RELN: variants seen among roughly 807,000 people sequenced by gnomAD.
RELN encodes the protein reelin.
RELN carries 108 observed loss-of-function variants against 427.6 expected under a neutral mutation model. The observed-to-expected ratio is 0.25, with a 90% CI of 0.22 to 0.30. RELN has a LOEUF of 0.30. RELN is among the 10% of genes least tolerant of loss of function. The pLI is 1.00. For synonymous variants in RELN, 1,524 were observed against 1,513.4 expected (o/e 1.01, Z -0.16); for missense variants, 3,715 against 4,302.8 (o/e 0.86, Z 3.82).
At chr7:103,832,535 G>A (rs368335148) in intron 3 of RELN, among the ~76,000 whole-genome samples, 9 of 152,276 alleles carry the variant, frequency 5.9e-5, no homozygotes, top group Middle Eastern at 3.4e-3. Context: ...AGGATATCAC[G>A]CATTCGAAGT....
intron 17 of RELN, among the ~76,000 whole-genome samples, chr7:103,638,641 C>T (rs561772670): frequency 2.9e-4 from 44 of 152,006 alleles, no homozygotes; most frequent in African/African-American, 9.4e-4. Context: ...CAGCCGTAAG[C>T]GAACAAAGCC....
chr7:103,916,976 G>A (rs1795494759), intron 2 of RELN, 99 bp downstream of exon 2: 3 of 908,416 alleles, frequency 3.3e-6, no homozygotes, highest in Non-Finnish European at 5.5e-6. Flanking sequence ...TTTCTTGGAA[G>A]TAATAAAGGT....
chr7:103,481,712 G>C (rs1016377775), intron 63 of RELN, among the ~76,000 whole-genome samples: 2 of 152,116 alleles, frequency 1.3e-5, no homozygotes, highest in African/African-American at 2.4e-5. Context: ...TGGTCTATTT[G>C]GAAATCTCTC....
intron 43 of RELN, among the ~76,000 whole-genome samples, chr7:103,541,035 G>T (rs552412503): frequency 1.3e-5 from 2 of 152,182 alleles, no homozygotes; most frequent in Non-Finnish European, 2.9e-5. Context: ...TGTCAAGCCT[G>T]GGCCTCTTTT....
At chr7:103,846,246 G>A (rs533678836) in intron 2 of RELN, among the ~76,000 whole-genome samples, 1 of 152,188 alleles carries the variant, frequency 6.6e-6, no homozygotes, top group Admixed American at 6.5e-5. Context: ...CAGACCAATG[G>A]AACACAGCAG....
chr7:103,530,457 C>T (rs1298745210), intron 46 of RELN, among the ~76,000 whole-genome samples: 1 of 152,218 alleles, frequency 6.6e-6, no homozygotes, highest in Non-Finnish European at 1.5e-5. Flanking sequence ...CCTTTGCACC[C>T]TCCTCTTATG....
At chr7:103,681,534 G>T (rs931844152) in intron 11 of RELN, among the ~76,000 whole-genome samples, 6 of 151,686 alleles carry the variant, frequency 4.0e-5, no homozygotes, top group Admixed American at 6.6e-5. Flanking sequence ...CCAATTAGTA[G>T]GATATATCTT....
In RELN at chr7:103,761,514, T is replaced by C. The variant is rs61537992; in HGVS notation, c.545-8300A>G. On this transcript the variant is annotated intron_variant, in intron 4 of 64. Coordinates refer to ENST00000428762, the MANE Select transcript of RELN (RefSeq NM_005045.4). ...TCTTGGCCATGCTAGAGTGCAGTGG[T>C]GCATCTTGGCTCACTGCAATCTCAA... is the stretch of plus-strand genomic sequence containing the variant. 9.6e-3 allele frequency among the ~76,000 whole-genome samples: 1,456 copies of C among 152,236 alleles called. 25 individuals carry two copies. The highest frequency in any genetic ancestry group is 0.034 in the African/African-American group (1,400 of 41,542).
At chr7:103,703,643 C>T (rs1464350246) in intron 8 of RELN, among the ~76,000 whole-genome samples, 1 of 152,082 alleles carries the variant, frequency 6.6e-6, no homozygotes, top group Admixed American at 6.5e-5. Flanking sequence ...AATTTAAAAC[C>T]AGAAAGGAAG....
Position 103,553,712 on chromosome 7 carries a change from A to G in RELN, c.5917T>C (p.Tyr1973His), listed in dbSNP as rs1830464329. The G allele has an allele frequency of 6.2e-7, 1 of 1,614,072 alleles. No homozygotes were observed. The highest frequency in any genetic ancestry group is 8.5e-7 in the Non-Finnish European group (1 of 1,180,028). The change falls in exon 39 of 65, where the codon TAT becomes CAT. Residue 1973 changes from tyrosine to histidine, a missense_variant. Transcript: ENST00000428762. ...FGPREDNWFF[Y>H]PGGNIGLYCP... ...TAAAGACCGATGTTACCACCAGGAT[A>G]GAAAAACCAATTGTCTTCTCTGGGC... is the stretch of plus-strand genomic sequence containing the variant.
intron 2 of RELN, among the ~76,000 whole-genome samples, chr7:103,877,002 C>T (rs1172362201): frequency 6.6e-6 from 1 of 152,070 alleles, no homozygotes; most frequent in Non-Finnish European, 1.5e-5. Context: ...TCCCTCACCC[C>T]TTCTGGAAAT....
intron 8 of RELN, among the ~76,000 whole-genome samples, chr7:103,704,299 G>A (rs1202695746): frequency 6.6e-6 from 1 of 152,114 alleles, no homozygotes; most frequent in Non-Finnish European, 1.5e-5. Context: ...GTATGATCAA[G>A]TATAAAAATT....
chr7:103,848,493 T>A (rs113594412), intron 2 of RELN, among the ~76,000 whole-genome samples: 2,614 of 152,260 alleles, frequency 0.017, 40 homozygotes, highest in Non-Finnish European at 0.024. Flanking sequence ...CAACAGCTAC[T>A]TCCCCCCGAA....
chr7:103,840,949 T>C (rs1284157479), intron 2 of RELN, among the ~76,000 whole-genome samples: 1 of 152,194 alleles, frequency 6.6e-6, no homozygotes, highest in Non-Finnish European at 1.5e-5. Flanking sequence ...TATATGTGTG[T>C]ATGGTGTACT....
intron 3 of RELN, among the ~76,000 whole-genome samples, chr7:103,793,941 A>G (rs899708431): frequency 6.6e-6 from 1 of 151,900 alleles, no homozygotes; most frequent in Non-Finnish European, 1.5e-5. Context: ...TAATTTTTGT[A>G]CTTTTAGTAG....
At chr7:103,602,954 C>T (rs1831709959) in intron 24 of RELN, among the ~76,000 whole-genome samples, 1 of 152,162 alleles carries the variant, frequency 6.6e-6, no homozygotes, top group Non-Finnish European at 1.5e-5. Context: ...CTGACACACC[C>T]TCCAAAGGCC....
chr7:103,759,990 C>CTTTTTTTTTTTTTT (rs57019839), intron 4 of RELN, among the ~76,000 whole-genome samples: 1 of 64,912 alleles, frequency 1.5e-5, no homozygotes, highest in Non-Finnish European at 2.9e-5. Flanking sequence ...CACAGTCATA[C>CTTTTTTTTTTTTTT]TTTTTTTTTT....
intron 20 of RELN, among the ~76,000 whole-genome samples, chr7:103,616,365 G>C (rs1324975208): frequency 6.6e-6 from 1 of 152,020 alleles, no homozygotes; most frequent in African/African-American, 2.4e-5. Context: ...TTATGTTCTT[G>C]TAATCATCAA....
chr7:103,557,713 T>C (rs1252485454), intron 37 of RELN, among the ~76,000 whole-genome samples: 1 of 152,198 alleles, frequency 6.6e-6, no homozygotes, highest in African/African-American at 2.4e-5. Context: ...AGGGACATGA[T>C]GATAAATTTA....
Sources: gnomAD v4.1 joint callset for allele counts (sites outside exome capture counted in the v4.1 genomes callset) on GRCh38, gnomAD v4.1.1 for gene constraint, MANE v1.5 for transcripts, NCBI Gene and HGNC (gene_info 2026-07-23, HGNC 2026-07-21) for gene names.